The following FBXO22 variants were observed in gnomAD, a reference collection of about 807,000 sequenced individuals.
The protein encoded by FBXO22 is F-box only protein 22.
FBXO22 carries 13 observed loss-of-function variants against 37.2 expected under a neutral mutation model. The observed-to-expected ratio is 0.35, with a 90% CI of 0.23 to 0.56. FBXO22 has a LOEUF of 0.56. Ranked by LOEUF, FBXO22 falls within the 20% of genes least tolerant of loss-of-function variation. The probability of loss-of-function intolerance (pLI) is 0.87; values close to 1 mark genes in which losing one functional copy is unlikely to be tolerated. For missense variants in FBXO22, 446 were observed against 509.9 expected, an observed-to-expected ratio of 0.87 and a Z score of 1.21; for synonymous variants, 189 against 189.1, an observed-to-expected ratio of 1.00 and a Z score of 0.00.
In FBXO22 at chr15:75,926,050, TATC is replaced by T. The variant is rs571285940; in HGVS notation, c.629-3830_629-3828del. On this transcript the variant is annotated intron_variant, in intron 5 of 6. Transcript: ENST00000308275. The stretch of plus-strand genomic sequence containing the variant: ...CTAAGGTTACATTTTGTAACCAGCT[TATC>T]ATCTTGAAAGGTTCACCAGTAGGTT... Among the ~76,000 whole-genome samples, 527 of 152,354 alleles carry T rather than the reference TATC, an allele frequency of 3.5e-3. 2 individuals are homozygous for T. The highest frequency in any genetic ancestry group is 0.012 in the African/African-American group (481 of 41,586).
In FBXO22 at chr15:75,933,112, T is replaced by C. The variant is rs1374486728; in HGVS notation, c.*10T>C. ...GGGGTCATCTAAATAATAATTAAAG[T>C]GGCTTTCATAATATGTAACTTTTGG... is the stretch of plus-strand genomic sequence containing the variant. On this transcript the variant is annotated 3_prime_UTR_variant, in exon 7 of 7. Transcript: ENST00000308275. 1 of 1,578,700 alleles carries C rather than the reference T, an allele frequency of 6.3e-7. No individual in the cohort carries two copies. Among genetic ancestry groups the C allele is most frequent in the Admixed American group, 1.9e-5 (1 of 53,164 alleles).
intron 5 of FBXO22, among the ~76,000 whole-genome samples, chr15:75,921,204 A>G (rs943411604): frequency 2.0e-5 from 3 of 152,226 alleles, no homozygotes; most frequent in Non-Finnish European, 4.4e-5. Context: ...ATGGTATGAA[A>G]GACAGTATAC....
intron 2 of FBXO22, chr15:75,910,449 T>C (rs1954825323): frequency 6.6e-6 from 1 of 152,240 alleles, no homozygotes. Context: ...GACCTTTTAA[T>C]GATCGCCACT....
chr15:75,912,054 T>G (rs1233320275), intron 2 of FBXO22, among the ~76,000 whole-genome samples: 1 of 151,882 alleles, frequency 6.6e-6, no homozygotes, highest in Admixed American at 6.6e-5. Flanking sequence ...GTTTATATGA[T>G]GTATATGTTT....
intron 2 of FBXO22, among the ~76,000 whole-genome samples, chr15:75,907,770 A>C (rs1057104677): frequency 3.3e-5 from 5 of 151,796 alleles, no homozygotes; most frequent in South Asian, 2.1e-4. Context: ...CAAATATATA[A>C]ATAAAAATAT....
chr15:75,909,465 T>TAAGCAGTGAAAAGGGAGTGATAC (rs1485572189), intron 2 of FBXO22, among the ~76,000 whole-genome samples: 29 of 152,188 alleles, frequency 1.9e-4, no homozygotes, highest in Non-Finnish European at 2.8e-4. Context: ...TTTGATTTGA[T>TAAGCAGTGAAAAGGGAGTGATAC]AAGCAGTGAA....
At chr15:75,909,996 T>A (rs1900017678) in intron 2 of FBXO22, among the ~76,000 whole-genome samples, 1 of 152,156 alleles carries the variant, frequency 6.6e-6, no homozygotes, top group African/African-American at 2.4e-5. Flanking sequence ...AACTCCCACT[T>A]ATGAATGAGA....
At chr15:75,914,029 G>A in intron 3 of FBXO22, 81 bp from the exon 4 acceptor site, 2 of 937,304 alleles carry the variant, frequency 2.1e-6, no homozygotes, top group African/African-American at 1.7e-5. Context: ...AATATTTCCA[G>A]TATTTGCTTT....
intron 5 of FBXO22, among the ~76,000 whole-genome samples, chr15:75,923,461 G>T (rs1284244713): frequency 6.6e-6 from 1 of 152,124 alleles, no homozygotes; most frequent in Non-Finnish European, 1.5e-5. Context: ...TTGCTATCTT[G>T]TGTCCTAATT....
chr15:75,915,531 C>T (rs1595913376), intron 4 of FBXO22, among the ~76,000 whole-genome samples: 2 of 151,556 alleles, frequency 1.3e-5, no homozygotes, highest in African/African-American at 2.4e-5. Flanking sequence ...TTTAGGAGGC[C>T]GAGGCAGGCG....
rs1463871884 is a variant in FBXO22, at chr15:75,939,311, A to G, written c.*6209A>G. On this transcript the variant is annotated 3_prime_UTR_variant, in exon 7 of 7. Transcript: ENST00000308275. ...GGGTTATAGAAGAATACCTTCGACA[A>G]TCTAGATGAAATGCTCAAAGTCCTA... 1 of 152,186 alleles carries G rather than the reference A, an allele frequency of 6.6e-6. No individual in the cohort carries two copies. Among genetic ancestry groups the G allele is most frequent in the African/African-American group, 2.4e-5 (1 of 41,438 alleles). 9.4% of individuals were successfully genotyped at this position (152,186 alleles called of 1,614,324 possible). A position where few individuals can be genotyped will look rare whatever the true frequency, so the allele number is the denominator to read the frequency against.
intron 5 of FBXO22, among the ~76,000 whole-genome samples, chr15:75,923,321 GT>G (rs1181337755): frequency 1.3e-5 from 2 of 152,238 alleles, no homozygotes; most frequent in African/African-American, 2.4e-5. Context: ...ATTGTGCTCT[GT>G]GAAGCTTTCT....
At chr15:75,917,168 TA>T in intron 4 of FBXO22, 61 bp from the exon 5 acceptor site, 1 of 1,248,164 alleles carries the variant, frequency 8.0e-7, no homozygotes, top group Non-Finnish European at 1.1e-6. Context: ...CTTAGTGACC[TA>T]AACTGTAGTT....
At chr15:75,925,337 A>C (rs1303431398) in intron 5 of FBXO22, among the ~76,000 whole-genome samples, 1 of 152,144 alleles carries the variant, frequency 6.6e-6, no homozygotes, top group African/African-American at 2.4e-5. Context: ...GCTCTGTACT[A>C]GTGTTTGTTG....
chr15:75,922,665 A>G (rs1361787755), intron 5 of FBXO22, among the ~76,000 whole-genome samples: 1 of 152,220 alleles, frequency 6.6e-6, no homozygotes, highest in South Asian at 2.1e-4. Context: ...CTGTACACAG[A>G]AAATGGTAGC....
Position 75,939,396 on chromosome 15 carries a change from A to G in FBXO22, c.*6294A>G, listed in dbSNP as rs1162348817. On this transcript the variant is annotated 3_prime_UTR_variant, in exon 7 of 7. Coordinates refer to ENST00000308275, the MANE Select transcript of FBXO22 (RefSeq NM_147188.3). ...AAAATTTAAAAATCTCAATAGAACT[A>G]TAACCAGTAAGGTAATTGAATTAGT... 1 of 152,196 alleles carries G rather than the reference A, an allele frequency of 6.6e-6. No individual in the cohort carries two copies. Among genetic ancestry groups the G allele is most frequent in the East Asian group, 1.9e-4 (1 of 5,204 alleles). The allele number at this position is 152,196 out of a possible 1,614,324, so 9.4% of individuals were successfully genotyped here.
intron 5 of FBXO22, among the ~76,000 whole-genome samples, chr15:75,921,657 T>C (rs533181544): frequency 1.3e-5 from 2 of 152,136 alleles, no homozygotes; most frequent in African/African-American, 4.8e-5. Flanking sequence ...AGACTCTATC[T>C]CAAAAAAATA....
At chr15:75,929,141 C>A (rs1252294791) in intron 5 of FBXO22, among the ~76,000 whole-genome samples, 1 of 151,992 alleles carries the variant, frequency 6.6e-6, no homozygotes, top group African/African-American at 2.4e-5. Flanking sequence ...TTTTTCTCTT[C>A]CTACCGCTCC....
At position 75,938,783 on chromosome 15, in the gene FBXO22, A is replaced by G. The variant is rs2030639212; in HGVS notation, c.*5681A>G. The G allele has an allele frequency of 6.6e-6, 1 of 152,192 alleles. No individual in the cohort carries two copies. The highest frequency in any genetic ancestry group is 6.5e-5 in the Admixed American group (1 of 15,290). The allele number at this position is 152,192 out of a possible 1,614,324, so 9.4% of individuals were successfully genotyped here. On this transcript the variant is annotated 3_prime_UTR_variant, in exon 7 of 7. Transcript: ENST00000308275. ...CAAAGAAGTGAAGAAGATATGGTGC[A>G]TTTTTGAACCACAACAGGATGTAGT...
Sources: gnomAD v4.1 joint callset for allele counts (sites outside exome capture counted in the v4.1 genomes callset) on GRCh38, gnomAD v4.1.1 for gene constraint, MANE v1.5 for transcripts, NCBI Gene and HGNC (gene_info 2026-07-23, HGNC 2026-07-21) for gene names.